AHRR: variants seen among roughly 807,000 people sequenced by gnomAD.
AHRR encodes the protein ahR repressor.
In AHRR, 28 loss-of-function variants were observed where a neutral mutation model predicts 44.0. The ratio of observed to expected loss-of-function variants is 0.64; its 90% CI spans 0.47 to 0.87. The LOEUF (loss-of-function observed/expected upper bound fraction) is 0.87, where lower values mean the gene tolerates loss of function less well. AHRR is among the 40% of genes least tolerant of loss of function. The pLI, the probability that AHRR is intolerant of heterozygous loss-of-function variation, is 0.00. For synonymous variants in AHRR, 434 were observed against 407.0 expected (o/e 1.07, Z -0.80); for missense variants, 990 against 953.9 (o/e 1.04, Z -0.50).
At chr5:391,008 G>T (rs1375548992) in intron 4 of AHRR, among the ~76,000 whole-genome samples, 1 of 151,924 alleles carries the variant, frequency 6.6e-6, no homozygotes, top group Non-Finnish European at 1.5e-5. Context: ...CCAGGAGGCA[G>T]TGGCAGAGAT....
intron 4 of AHRR, among the ~76,000 whole-genome samples, chr5:385,991 A>G (rs938212952): frequency 3.9e-5 from 6 of 152,098 alleles, no homozygotes; most frequent in Non-Finnish European, 8.8e-5. Flanking sequence ...TCCATTTGCT[A>G]TTAAACTCAT....
At chr5:344,116 G>A in intron 2 of AHRR, 152 bp downstream of exon 2, 2 of 747,060 alleles carry the variant, frequency 2.7e-6, no homozygotes, top group South Asian at 1.8e-5. Flanking sequence ...CGCGGGCGGC[G>A]CAGGAGTCGT....
rs940209334 is a variant in AHRR, at chr5:405,374, G to C, written c.352-7970G>C. ...ACGTGGTGGAGTTCAGGGTGATAACGATGGGCTTCTTTACTGATGCCAAAC... is the reference window on the plus strand; with the variant it reads ...ACGTGGTGGAGTTCAGGGTGATAACCATGGGCTTCTTTACTGATGCCAAAC... On this transcript the variant is annotated intron_variant, in intron 4 of 10. Coordinates refer to ENST00000684583, the MANE Select transcript of AHRR (RefSeq NM_001377236.1). The surrounding 1 kb of genome is among the most constrained non-coding windows in gnomAD (Gnocchi z 4.5). Among the ~76,000 whole-genome samples the C allele has an allele frequency of 3.0e-4, 45 of 152,290 alleles. No homozygotes were observed. The highest frequency in any genetic ancestry group is 1.1e-3 in the African/African-American group (44 of 41,564).
At chr5:376,555 A>ACC in intron 3 of AHRR, 55 bp from the exon 4 acceptor site, 11 of 1,431,420 alleles carry the variant, frequency 7.7e-6, no homozygotes, top group Non-Finnish European at 9.4e-6. Context: ...TGAATGAAGA[A>ACC]GAGTGGCCAG....
chr5:354,596 G>T (rs1742978325), intron 3 of AHRR, among the ~76,000 whole-genome samples: 1 of 152,220 alleles, frequency 6.6e-6, no homozygotes, highest in Non-Finnish European at 1.5e-5. Flanking sequence ...AGAACTCGCA[G>T]GTGTAGACCG....
chr5:415,082 A>G (rs1735663416), intron 5 of AHRR, among the ~76,000 whole-genome samples: 1 of 152,366 alleles, frequency 6.6e-6, no homozygotes, highest in Middle Eastern at 3.4e-3. Context: ...CGTTCAGGCC[A>G]GGGCTGGTAG....
chr5:341,532 CTT>C (rs35385059), intron 1 of AHRR, among the ~76,000 whole-genome samples: 95 of 103,716 alleles, frequency 9.2e-4, no homozygotes, highest in Non-Finnish European at 1.3e-3. Context: ...CCTTTTCCTT[CTT>C]TTTTTTTTTT....
rs1225868408 is a variant in AHRR, at chr5:343,690, CGGCCCCG to C, written c.-10-201_-10-195del. On this transcript the variant is annotated intron_variant, in intron 1 of 10. Coordinates refer to ENST00000684583, the MANE Select transcript of AHRR (RefSeq NM_001377236.1). The stretch of plus-strand genomic sequence containing the variant: ...ACCGAGGGGAGGCCCAGGCGTGACC[CGGCCCCG>C]GTGGCTCCTCGGTGCGGGGTGCTGG... The C allele has an allele frequency of 5.6e-6, 3 of 535,192 alleles. No homozygotes were observed. The African/African-American group carries it at 6.1e-5, about 11-fold the overall frequency. 33.2% of individuals were successfully genotyped at this position (535,192 alleles called of 1,614,324 possible).
Position 342,117 on chromosome 5 carries a change from T to C in AHRR, c.-10-1776T>C, listed in dbSNP as rs1742369410. 6.6e-6 allele frequency among the ~76,000 whole-genome samples: 1 copy of C among 152,220 alleles called. No homozygotes were observed. The highest frequency in any genetic ancestry group is 2.4e-5 in the African/African-American group (1 of 41,458). ...GTTTTAAGTCCCAGAATATGGTCTG[T>C]CTTGGCGAATGTTACATGTGTAAAA... On this transcript the variant is annotated intron_variant, in intron 1 of 10. Coordinates refer to ENST00000684583, the MANE Select transcript of AHRR (RefSeq NM_001377236.1). The surrounding 1 kb of genome is among the most constrained non-coding windows in gnomAD (Gnocchi z 4.3).
At chr5:364,539 G>T (rs1161987325) in intron 3 of AHRR, among the ~76,000 whole-genome samples, 1 of 151,816 alleles carries the variant, frequency 6.6e-6, no homozygotes, top group Non-Finnish European at 1.5e-5. Context: ...GTAGAAATGG[G>T]GTTGAAATTT....
At chr5:407,633 G>A (rs758656728) in intron 4 of AHRR, among the ~76,000 whole-genome samples, 6 of 152,028 alleles carry the variant, frequency 3.9e-5, no homozygotes, top group Non-Finnish European at 7.4e-5. Context: ...TCTGCCTCCC[G>A]GGCTCAAGCC....
At chr5:335,220 C>T (rs1041783383) in intron 1 of AHRR, among the ~76,000 whole-genome samples, 6 of 152,128 alleles carry the variant, frequency 3.9e-5, no homozygotes, top group African/African-American at 1.2e-4. Flanking sequence ...GTGTACCATG[C>T]GAGTGAGCAG....
intron 3 of AHRR, among the ~76,000 whole-genome samples, chr5:365,665 G>T (rs1743331961): frequency 6.6e-6 from 1 of 151,456 alleles, no homozygotes; most frequent in Non-Finnish European, 1.5e-5. Flanking sequence ...CAAAGATCTG[G>T]TGAAACTGAT....
In AHRR at chr5:338,059, G is replaced by A. The variant is rs1742203426; in HGVS notation, c.-10-5834G>A. 6.6e-6 allele frequency among the ~76,000 whole-genome samples: 1 copy of A among 152,214 alleles called. No homozygotes were observed. Among genetic ancestry groups the A allele is most frequent in the African/African-American group, 2.4e-5 (1 of 41,452 alleles). ...AACAGGTAGCTGGCACAGCTTCTGA[G>A]TACTGTCACCTCACTTTGCGAATAC... On this transcript the variant is annotated intron_variant, in intron 1 of 10. Coordinates refer to ENST00000684583, the MANE Select transcript of AHRR (RefSeq NM_001377236.1). This position sits in a 1 kb window ranked among gnomAD's most constrained non-coding sequence, Gnocchi z 4.1.
At chr5:373,288 C>A (rs1471029922) in intron 3 of AHRR, among the ~76,000 whole-genome samples, 1 of 152,236 alleles carries the variant, frequency 6.6e-6, no homozygotes, top group Non-Finnish European at 1.5e-5. Context: ...TGACACGCAG[C>A]CTTCCAGCCT....
intron 4 of AHRR, chr5:403,590 C>T (rs547274198): frequency 3.7e-5 from 14 of 383,494 alleles, no homozygotes; most frequent in East Asian, 1.4e-4. Context: ...GAGCCGAGAT[C>T]GCACCACACT....
Position 434,751 on chromosome 5 carries a change from G to T in AHRR, c.2011G>T (p.Gly671Ter). ...DSPQWATHSQ[G>*]MVPGMLPKSA... ...ACCCCAGTGGGCTACTCACAGCCAG[G>T]GAATGGTGCCCGGGATGTTGCCCAA... Residue 671 changes from glycine to a stop codon, truncating the protein, a stop_gained, in exon 11 of 11, where the codon GGA (glycine) becomes TGA (stop). Transcript: ENST00000684583. LOFTEE classifies it low-confidence loss of function (END_TRUNC). The T allele has an allele frequency of 6.4e-7, 1 of 1,567,376 alleles. No homozygotes were observed. Among genetic ancestry groups the T allele is most frequent in the East Asian group, 2.4e-5 (1 of 42,248 alleles).
At chr5:343,677 C>T in intron 1 of AHRR, 1 of 521,850 alleles carries the variant, frequency 1.9e-6, no homozygotes, top group Non-Finnish European at 3.3e-6. Context: ...CGAGGGGAGG[C>T]CCAGGCGTGA....
chr5:385,534 G>A (rs1405138597), intron 4 of AHRR, among the ~76,000 whole-genome samples: 2 of 152,084 alleles, frequency 1.3e-5, no homozygotes, highest in Non-Finnish European at 2.9e-5. Flanking sequence ...GTTATTTTTT[G>A]TCTAGCACTT....
Sources: allele counts gnomAD v4.1 joint callset (sites outside exome capture counted in the v4.1 genomes callset), GRCh38; gene constraint gnomAD v4.1.1; non-coding constraint Gnocchi (gnomAD v3.1); transcripts MANE v1.5; gene names NCBI Gene and HGNC (gene_info 2026-07-23, HGNC 2026-07-21).